USP16: variants seen among roughly 807,000 people sequenced by gnomAD.
The protein encoded by USP16 is ubiquitin carboxyl-terminal hydrolase 16.
USP16 carries 77 observed loss-of-function variants against 95.9 expected under a neutral mutation model. That is an observed-to-expected ratio of 0.80 (90% CI 0.67 to 0.97). The LOEUF (loss-of-function observed/expected upper bound fraction) is 0.97, where lower values mean the gene tolerates loss of function less well. Ranked by LOEUF, USP16 falls within the 50% of genes least tolerant of loss-of-function variation. The pLI is 0.00. For missense variants in USP16, 943 were observed against 959.9 expected (o/e 0.98, Z 0.23); for synonymous variants, 303 against 318.2 (o/e 0.95, Z 0.51).
chr21:29,028,182 TG>T (rs2085022927), intron 2 of USP16, among the ~76,000 whole-genome samples: 1 of 150,302 alleles, frequency 6.7e-6, no homozygotes, highest in African/African-American at 2.4e-5. Flanking sequence ...AGTGCAGTGG[TG>T]CAATCTCAGC....
chr21:29,040,473 G>C (rs2085226446), intron 9 of USP16, 136 bp from the exon 10 acceptor site: 6 of 319,726 alleles, frequency 1.9e-5, no homozygotes. Context: ...AATTAAGTTT[G>C]AAAATGTGAT....
intron 7 of USP16, among the ~76,000 whole-genome samples, 190 bp downstream of exon 7, chr21:29,038,620 T>C (rs2085198250): frequency 6.6e-6 from 1 of 152,242 alleles, no homozygotes; most frequent in Admixed American, 6.5e-5. Flanking sequence ...GTGTGTGTGC[T>C]CTGTTTTTCT....
chr21:29,049,961 T>C (rs752924945), intron 15 of USP16, 131 bp from the exon 16 acceptor site: 60 of 762,346 alleles, frequency 7.9e-5, no homozygotes, highest in Non-Finnish European at 1.2e-4. Flanking sequence ...TCAGGAAGAA[T>C]TGAGTCTCCA....
intron 1 of USP16, among the ~76,000 whole-genome samples, chr21:29,025,054 G>A (rs1420903993): frequency 6.6e-6 from 1 of 152,242 alleles, no homozygotes; most frequent in Non-Finnish European, 1.5e-5. Context: ...GAGAGGGAAG[G>A]TGTGGCAGGC....
rs2085371418 is a variant in USP16 at position 29,048,867 on chromosome 21, T to C, written c.2106+12T>C. On this transcript the variant is annotated intron_variant, in intron 15 of 17. Coordinates refer to ENST00000399976, the MANE Select transcript of USP16 (RefSeq NM_006447.3). The stretch of plus-strand genomic sequence containing the variant: ...AGAGATTTCAGCAGGTACTCCTTGT[T>C]ACCCAAAATTTGTTTTAAATATGTA... The C allele has an allele frequency of 1.1e-5, 18 of 1,605,176 alleles. No individual in the cohort carries two copies. Among genetic ancestry groups the C allele is most frequent in the Non-Finnish European group, 1.4e-5 (17 of 1,174,836 alleles).
At chr21:29,051,787 G>A (rs919456848) in intron 16 of USP16, among the ~76,000 whole-genome samples, 9 of 151,426 alleles carry the variant, frequency 5.9e-5, no homozygotes, top group African/African-American at 1.2e-4. Flanking sequence ...CCGAGATTGC[G>A]TCACTGCACT....
chr21:29,047,309 G>A lies in USP16; in HGVS notation c.1999G>A (p.Ala667Thr). Residue 667 changes from alanine (A) to threonine (T), a missense_variant, in exon 14 of 18, where the codon GCA becomes ACA. By Grantham distance (58) the Ala-to-Thr change is moderately conservative. Coordinates refer to ENST00000399976, the MANE Select transcript of USP16 (RefSeq NM_006447.3). ...ACGGAGACAGTGTAATGGACCAAAG[G>A]CAAATATAAAAGGTATTTTAATGCT... ...CTRRQCNGPK[A>T]NIKGERKHVY... The A allele has an allele frequency of 1.9e-6, 3 of 1,603,844 alleles. No individual in the cohort carries two copies. The highest frequency in any genetic ancestry group is 2.7e-5 in the African/African-American group (2 of 74,442).
chr21:29,026,125 C>T (rs2084982829), intron 1 of USP16, among the ~76,000 whole-genome samples: 1 of 152,132 alleles, frequency 6.6e-6, no homozygotes, highest in Non-Finnish European at 1.5e-5. Flanking sequence ...TCAAAGACAT[C>T]AAGGCGGGGA....
intron 1 of USP16, among the ~76,000 whole-genome samples, chr21:29,025,278 G>C (rs2084970363): frequency 6.6e-6 from 1 of 152,230 alleles, no homozygotes; most frequent in African/African-American, 2.4e-5. Flanking sequence ...ATGGAACCGA[G>C]TAGGCAGGGG....
chr21:29,038,919 GCAGTTCTGT>G, intron 7 of USP16, 98 bp from the exon 8 acceptor site: 1 of 1,149,510 alleles, frequency 8.7e-7, no homozygotes, highest in South Asian at 2.7e-5. Flanking sequence ...TTTAAATGGG[GCAGTTCTGT>G]CAGGAACATT....
intron 10 of USP16, 24 bp downstream of exon 10, chr21:29,040,711 A>G: frequency 7.5e-7 from 1 of 1,334,236 alleles, no homozygotes; most frequent in South Asian, 1.3e-5. Context: ...TTTTGAACTA[A>G]AACACTATAG....
chr21:29,039,046 T>G lies in USP16; in HGVS notation c.753T>G (p.Leu251=), dbSNP rs78056639. Reference sequence around the variant, plus strand: ...TTCAGGAACCATTAGAAATAAACCTTGAGCCTCCAGGCCCTCTTACTTTAG... The same window carrying G: ...TTCAGGAACCATTAGAAATAAACCTGGAGCCTCCAGGCCCTCTTACTTTAG... ...LALTEPLEIN[L]EPPGPLTLAM... The change falls in exon 8 of 18, where the codon CTT becomes CTG. Residue 251 remains leucine, a synonymous_variant. Transcript: ENST00000399976. 6.7e-4 allele frequency: 1,052 copies of G among 1,560,918 alleles called. 7 individuals are homozygous for G. The African/African-American group carries it at 0.012, about 18-fold the overall frequency.
At chr21:29,026,912 G>A (rs1049533512) in intron 1 of USP16, among the ~76,000 whole-genome samples, 5 of 152,052 alleles carry the variant, frequency 3.3e-5, no homozygotes, top group Admixed American at 2.6e-4. Context: ...CAATGGGGCC[G>A]AATTTATAAA....
chr21:29,042,963 A>T (rs1185829901), intron 12 of USP16: 1 of 156,250 alleles, frequency 6.4e-6, no homozygotes, highest in African/African-American at 2.4e-5. Flanking sequence ...CTTCAACTTC[A>T]TATGAATTAT....
rs750357038 is a variant in USP16 at position 29,034,817 on chromosome 21, T to G, written c.241-20T>G. 14 of 1,613,054 alleles carry G rather than the reference T, an allele frequency of 8.7e-6. No individual in the cohort carries two copies. The highest frequency in any genetic ancestry group is 1.2e-5 in the Non-Finnish European group (14 of 1,179,182). On this transcript the variant is annotated intron_variant, in intron 3 of 17. Coordinates refer to ENST00000399976, the MANE Select transcript of USP16 (RefSeq NM_006447.3). ...GCTGAGTTTTTATGGCTTTGAGGTT[T>G]ATGATTATGATTTTTTTAGGGCTGT...
chr21:29,050,448 AT>A lies in USP16; in HGVS notation c.2193+271del, dbSNP rs542923579. On this transcript the variant is annotated intron_variant, in intron 16 of 17. Transcript: ENST00000399976. ...AAACTAAAGGTGAGCAGATCTATTAATGAATAATCTGTTTAATGTGGTTGAA... is the reference window on the plus strand; with the variant it reads ...AAACTAAAGGTGAGCAGATCTATTAAGAATAATCTGTTTAATGTGGTTGAA... Among the ~76,000 whole-genome samples the A allele has an allele frequency of 1.5e-3, 229 of 152,358 alleles. 3 individuals carry two copies. The highest frequency in any genetic ancestry group is 5.4e-3 in the African/African-American group (225 of 41,580).
At chr21:29,028,723 C>T (rs1032224825) in intron 2 of USP16, among the ~76,000 whole-genome samples, 2 of 152,222 alleles carry the variant, frequency 1.3e-5, no homozygotes, top group Admixed American at 1.3e-4. Context: ...GCGTGAGCCA[C>T]CGCGCCCGAC....
intron 12 of USP16, 81 bp from the exon 13 acceptor site, chr21:29,043,342 A>C (rs979146104): frequency 1.2e-4 from 124 of 1,037,366 alleles, no homozygotes; most frequent in Admixed American, 2.3e-4. Flanking sequence ...AAGTAGAAAA[A>C]TATTTACATA....
At position 29,050,161 on chromosome 21, in the gene USP16, TG is replaced by T; in HGVS notation, c.2177del (p.Cys726SerfsTer29). 1 of 1,613,602 alleles carries T rather than the reference TG, an allele frequency of 6.2e-7. No individual in the cohort carries two copies. The highest frequency in any genetic ancestry group is 8.5e-7 in the Non-Finnish European group (1 of 1,179,976). ...GGAAATCTTAGATTTGGCTCCTTTT[TG>T]CACCCTTAAATGTAAGGTAAGTCAA... ...FPEILDLAPF[C>X]TLKCKNVAEE... On this transcript the variant is annotated frameshift_variant, in exon 16 of 18. Transcript: ENST00000399976. LOFTEE classifies it high-confidence loss of function.
Sources: allele counts gnomAD v4.1 joint callset (sites outside exome capture counted in the v4.1 genomes callset), GRCh38; gene constraint gnomAD v4.1.1; transcripts MANE v1.5; gene names NCBI Gene and HGNC (gene_info 2026-07-23, HGNC 2026-07-21).